HECW1: variants seen among roughly 807,000 people sequenced by gnomAD.
HECW1 encodes HECT, C2 and WW domain containing E3 ubiquitin protein ligase 1, also known as E3 ubiquitin-protein ligase HECW1.
In HECW1, 61 loss-of-function variants were observed where a neutral mutation model predicts 182.3. That is an observed-to-expected ratio of 0.33 (90% CI 0.27 to 0.41). The LOEUF is 0.41. Among genes scored for constraint, HECW1 ranks in the 10% least tolerant of loss-of-function variants. The probability of loss-of-function intolerance (pLI) is 1.00; values close to 1 mark genes in which losing one functional copy is unlikely to be tolerated. For synonymous variants in HECW1, 859 were observed against 832.6 expected, an observed-to-expected ratio of 1.03 and a Z score of -0.55; for missense variants, 1,739 against 2,108.9, an observed-to-expected ratio of 0.82 and a Z score of 3.44.
At chr7:43,308,635 T>G (rs1038888242) in intron 3 of HECW1, among the ~76,000 whole-genome samples, 7 of 151,758 alleles carry the variant, frequency 4.6e-5, no homozygotes, top group Admixed American at 1.3e-4. Context: ...TAATTTTTTT[T>G]TTTTTTTGAG....
intron 9 of HECW1, 66 bp from the exon 10 acceptor site, chr7:43,442,463 C>T: frequency 3.4e-6 from 4 of 1,162,086 alleles, no homozygotes; most frequent in Non-Finnish European, 5.1e-6. Flanking sequence ...GTATAGAAAG[C>T]ACACTGCATG....
chr7:43,488,366 GGAAGGAAGGAAGGAAGGAAGGAA>G lies in HECW1; in HGVS notation c.3235-3707_3235-3685del, dbSNP rs2078740820. On this transcript the variant is annotated intron_variant, in intron 17 of 29. Transcript: ENST00000395891. ...AGGAAGGAAGGAAGGAAGGAAGGAAGGAAGGAAGGAAGGAAGGAAGGAAGGAAGGAAGGAAATGAAAGAAAGAG... is the reference window on the plus strand; with the variant it reads ...AGGAAGGAAGGAAGGAAGGAAGGAAGGGAAGGAAGGAAATGAAAGAAAGAG... Among the ~76,000 whole-genome samples the G allele has an allele frequency of 3.2e-5, 4 of 123,328 alleles. No individual in the cohort carries two copies. In the Admixed American group the frequency reaches 3.5e-4, roughly 11 times the overall value. The allele number at this position is 123,328 out of a possible 152,430, so 80.9% of individuals were successfully genotyped here.
intron 3 of HECW1, among the ~76,000 whole-genome samples, chr7:43,288,829 T>C (rs1805003948): frequency 6.6e-6 from 1 of 152,224 alleles, no homozygotes; most frequent in Admixed American, 6.5e-5. Flanking sequence ...CACCCACTGT[T>C]GGTAATTCAG....
At chr7:43,522,405 A>G (rs556054182) in intron 24 of HECW1, 1 of 152,154 alleles carries the variant, frequency 6.6e-6, no homozygotes, top group African/African-American at 2.4e-5. Flanking sequence ...TGCTGTTATC[A>G]TTTGCTTCCC....
At chr7:43,479,519 C>A (rs2078342183) in intron 16 of HECW1, 91 bp from the exon 17 acceptor site, 9 of 1,460,340 alleles carry the variant, frequency 6.2e-6, no homozygotes, top group Non-Finnish European at 6.6e-6. Flanking sequence ...AAACCTGAGG[C>A]CTGGGCCCTG....
intron 11 of HECW1, 145 bp from the exon 12 acceptor site, chr7:43,450,683 A>G (rs113012352): frequency 0.011 from 6,774 of 619,126 alleles, 62 homozygotes; most frequent in Non-Finnish European, 0.015. Flanking sequence ...ATGACTGTGA[A>G]TGTAGCAAAC....
intron 3 of HECW1, among the ~76,000 whole-genome samples, chr7:43,283,890 G>C (rs1341770344): frequency 6.6e-6 from 1 of 152,198 alleles, no homozygotes; most frequent in Admixed American, 6.5e-5. Flanking sequence ...TCTCCTACCT[G>C]AGCGTGTCAT....
At chr7:43,484,489 G>A (rs2078554441) in intron 17 of HECW1, 1 of 152,120 alleles carries the variant, frequency 6.6e-6, no homozygotes, top group South Asian at 2.1e-4. Context: ...ATATTTCTTA[G>A]ACTACAACTT....
At chr7:43,465,335 A>G (rs1404174647) in intron 14 of HECW1, among the ~76,000 whole-genome samples, 1 of 152,234 alleles carries the variant, frequency 6.6e-6, no homozygotes, top group Non-Finnish European at 1.5e-5. Context: ...GTGGTTCCTC[A>G]GGATGCTGCT....
intron 5 of HECW1, among the ~76,000 whole-genome samples, chr7:43,358,960 G>A (rs2152810921): frequency 6.6e-6 from 1 of 151,478 alleles, no homozygotes; most frequent in East Asian, 2.0e-4. Context: ...GAAGTAGCTG[G>A]GATTGCAGGA....
At chr7:43,167,559 C>A (rs888123209) in intron 2 of HECW1, among the ~76,000 whole-genome samples, 1 of 152,028 alleles carries the variant, frequency 6.6e-6, no homozygotes, top group Non-Finnish European at 1.5e-5. Context: ...TACAGAGGAA[C>A]CTACAAGAAG....
chr7:43,468,864 C>T (rs2077897259), intron 15 of HECW1, 56 bp from the exon 16 acceptor site: 2 of 1,515,372 alleles, frequency 1.3e-6, no homozygotes, highest in African/African-American at 2.7e-5. Context: ...AGTGTGCTTG[C>T]TCTATGTTTT....
intron 6 of HECW1, among the ~76,000 whole-genome samples, chr7:43,366,989 G>A (rs1162824170): frequency 1.3e-5 from 2 of 152,126 alleles, no homozygotes; most frequent in Non-Finnish European, 2.9e-5. Flanking sequence ...ATTATGTTAT[G>A]TAAAGAACTG....
chr7:43,471,064 A>G (rs1189409170), intron 16 of HECW1, among the ~76,000 whole-genome samples: 1 of 152,264 alleles, frequency 6.6e-6, no homozygotes, highest in African/African-American at 2.4e-5. Flanking sequence ...AAATAAGTTA[A>G]TAAGTTAATG....
intron 2 of HECW1, among the ~76,000 whole-genome samples, chr7:43,139,776 T>C (rs1787962035): frequency 6.6e-6 from 1 of 151,460 alleles, no homozygotes; most frequent in South Asian, 2.1e-4. Context: ...AATTGCTTTA[T>C]TTCATTATTC....
At chr7:43,491,882 C>T (rs1406270274) in intron 17 of HECW1, among the ~76,000 whole-genome samples, 193 bp from the exon 18 acceptor site, 1 of 152,222 alleles carries the variant, frequency 6.6e-6, no homozygotes, top group Non-Finnish European at 1.5e-5. Context: ...AGCCAGATGG[C>T]TTTCTTAACC....
rs773543253 is a variant in HECW1, at chr7:43,114,304, C to CGGCAGTGT, written c.-118_-111dup. ...CGAAAAGGCCAACCGTTAAAGACCCCGGCAGTGTTGTGGTCCAAGGCGTCT... is the reference window on the plus strand; with the variant it reads ...CGAAAAGGCCAACCGTTAAAGACCCCGGCAGTGTGGCAGTGTTGTGGTCCAAGGCGTCT... On this transcript the variant is annotated 5_prime_UTR_variant, in exon 2 of 30. It introduces an in-frame stop codon into an upstream open reading frame of the 5' UTR. Transcript: ENST00000395891. 7.3e-7 allele frequency: 1 copy of CGGCAGTGT among 1,362,930 alleles called. No individual in the cohort carries two copies. The highest frequency in any genetic ancestry group is 1.2e-5 in the South Asian group (1 of 81,650). The allele number at this position is 1,362,930 out of a possible 1,614,324, so 84.4% of individuals were successfully genotyped here.
At chr7:43,415,194 T>C (rs1287438065) in intron 8 of HECW1, among the ~76,000 whole-genome samples, 1 of 151,206 alleles carries the variant, frequency 6.6e-6, no homozygotes, top group African/African-American at 2.4e-5. Flanking sequence ...GTTTAGCACT[T>C]CCTTCAGGAG....
intron 4 of HECW1, among the ~76,000 whole-genome samples, chr7:43,313,932 C>T (rs1401618253): frequency 6.6e-6 from 1 of 152,144 alleles, no homozygotes; most frequent in East Asian, 1.9e-4. Context: ...GGCTCCGAAT[C>T]TAGGGTTTTG....
Sources: gnomAD v4.1 joint callset for allele counts (sites outside exome capture counted in the v4.1 genomes callset) on GRCh38, gnomAD v4.1.1 for gene constraint, MANE v1.5 for transcripts, NCBI Gene and HGNC (gene_info 2026-07-23, HGNC 2026-07-21) for gene names.